The following GAB4 variants were observed in gnomAD, a reference collection of about 807,000 sequenced individuals.
GAB4 encodes the protein GRB2 associated binding protein family member 4.
A neutral mutation model predicts 51.3 loss-of-function variants in GAB4; 26 were observed. The observed-to-expected ratio is 0.51, with a 90% confidence interval of 0.37 to 0.70. The LOEUF is 0.70. GAB4 is among the 30% of genes least tolerant of loss of function. GAB4 has a pLI of 0.00. For synonymous variants in GAB4, 329 were observed against 291.2 expected (o/e 1.13, Z -1.32); for missense variants, 759 against 734.6 (o/e 1.03, Z -0.38).
intron 3 of GAB4, among the ~76,000 whole-genome samples, chr22:16,970,529 G>A (rs1486644445): frequency 6.6e-6 from 1 of 152,150 alleles, no homozygotes; most frequent in Non-Finnish European, 1.5e-5. Context: ...TTAGCAGGGT[G>A]GTCAGTTTCA....
intron 3 of GAB4, among the ~76,000 whole-genome samples, chr22:16,970,741 T>C (rs1422107585): frequency 6.6e-6 from 1 of 152,120 alleles, no homozygotes; most frequent in East Asian, 1.9e-4. Context: ...TGGGTGTCAA[T>C]GGGTAAGTTA....
chr22:16,997,680 A>G (rs1407778990), intron 1 of GAB4, among the ~76,000 whole-genome samples: 1 of 152,094 alleles, frequency 6.6e-6, no homozygotes, highest in African/African-American at 2.4e-5. Flanking sequence ...TTTTGTTGTC[A>G]TTACTTTGGT....
At chr22:16,993,571 T>A (rs924803578) in intron 1 of GAB4, among the ~76,000 whole-genome samples, 1 of 152,204 alleles carries the variant, frequency 6.6e-6, no homozygotes, top group African/African-American at 2.4e-5. Context: ...CTCTTATTTA[T>A]CTGGCAAAAC....
intron 3 of GAB4, among the ~76,000 whole-genome samples, chr22:16,971,437 C>T (rs1322960549): frequency 6.6e-6 from 1 of 152,190 alleles, no homozygotes. Context: ...CTGGGTTCTA[C>T]GTTCTGTGTG....
At chr22:16,987,907 A>G in intron 3 of GAB4, 53 bp downstream of exon 3, 1 of 1,374,892 alleles carries the variant, frequency 7.3e-7, no homozygotes, top group Non-Finnish European at 1.0e-6. Flanking sequence ...GGGACTGAAT[A>G]GAACAAGACC....
intron 9 of GAB4, 78 bp from the exon 10 acceptor site, chr22:16,962,954 T>G: frequency 7.2e-7 from 1 of 1,396,268 alleles, no homozygotes; most frequent in Non-Finnish European, 9.8e-7. Context: ...AGGAGTGGGC[T>G]CTCTCAAACT....
chr22:16,988,219 G>A (rs777805763), intron 2 of GAB4, 52 bp from the exon 3 acceptor site: 6 of 1,258,686 alleles, frequency 4.8e-6, no homozygotes, highest in East Asian at 2.3e-5. Flanking sequence ...TGGGCTGCTA[G>A]AGGCAGAAAC....
intron 1 of GAB4, among the ~76,000 whole-genome samples, chr22:17,003,314 T>C (rs2061012964): frequency 6.6e-6 from 1 of 152,172 alleles, no homozygotes; most frequent in African/African-American, 2.4e-5. Flanking sequence ...TGAACTCAGC[T>C]CTGGACCAAG....
intron 3 of GAB4, among the ~76,000 whole-genome samples, chr22:16,975,044 C>T (rs2060765630): frequency 6.6e-6 from 1 of 152,186 alleles, no homozygotes; most frequent in Non-Finnish European, 1.5e-5. Flanking sequence ...GTGCCTACAC[C>T]ACCAGGGCCC....
intron 3 of GAB4, among the ~76,000 whole-genome samples, chr22:16,980,364 T>G (rs1468179723): frequency 6.6e-6 from 1 of 152,170 alleles, no homozygotes; most frequent in Non-Finnish European, 1.5e-5. Flanking sequence ...TAATAGACAC[T>G]TCTCAAAAGA....
rs200669352 is a variant in GAB4, at chr22:16,963,825, G to T, written c.1481C>A (p.Pro494Gln). The T allele has an allele frequency of 2.5e-6, 4 of 1,613,184 alleles. No individual in the cohort carries two copies. Among genetic ancestry groups the T allele is most frequent in the Non-Finnish European group, 3.4e-6 (4 of 1,179,554 alleles). Residue 494 changes from proline to glutamine, a missense_variant, in exon 9 of 10, where the codon CCG (proline) becomes CAG (glutamine). Physicochemically the swap from Pro to Gln is moderately conservative, Grantham distance 76 (BLOSUM62 -1). Coordinates refer to ENST00000400588, the MANE Select transcript of GAB4 (RefSeq NM_001037814.1). ...DSGERYLFPN[P>Q]ASAFPVSGGT... is the part of the protein sequence containing the mutation. ...ACCGGAAACAGGAAATGCAGATGCC[G>T]GGTTCTGCTGTCACAAGGAGGAAAA...
intron 5 of GAB4, chr22:16,967,568 C>G (rs1318542875): frequency 1.3e-5 from 2 of 152,436 alleles, no homozygotes; most frequent in Non-Finnish European, 2.9e-5. Context: ...GACAAGGTAT[C>G]AGGGAGGTAT....
chr22:17,001,165 C>G (rs189555255), intron 1 of GAB4, among the ~76,000 whole-genome samples: 117 of 152,300 alleles, frequency 7.7e-4, no homozygotes, highest in African/African-American at 2.6e-3. Flanking sequence ...CTCTGTATTT[C>G]CTGAATTTGA....
chr22:16,991,489 C>T (rs2060913577), intron 2 of GAB4, among the ~76,000 whole-genome samples: 1 of 152,164 alleles, frequency 6.6e-6, no homozygotes, highest in Non-Finnish European at 1.5e-5. Flanking sequence ...CTCACCTGTC[C>T]CCTCCTAAGT....
chr22:16,985,233 A>G (rs1287633544), intron 3 of GAB4, among the ~76,000 whole-genome samples: 1 of 152,210 alleles, frequency 6.6e-6, no homozygotes, highest in Non-Finnish European at 1.5e-5. Context: ...CACAGATTTA[A>G]AAAGTTAACA....
intron 3 of GAB4, among the ~76,000 whole-genome samples, chr22:16,973,805 C>CCA (rs967922270): frequency 3.3e-5 from 5 of 151,996 alleles, no homozygotes; most frequent in African/African-American, 9.7e-5. Flanking sequence ...CTCCCTGTTC[C>CCA]CACAGCACCT....
rs2061060844 is a variant in GAB4 at position 17,008,212 on chromosome 22, G to T, written c.-98C>A. 16 of 866,570 alleles carry T rather than the reference G, an allele frequency of 1.8e-5. No homozygotes were observed. Among genetic ancestry groups the T allele is most frequent in the Non-Finnish European group, 2.9e-5 (16 of 557,736 alleles). The allele number at this position is 866,570 out of a possible 1,614,324, so 53.7% of individuals were successfully genotyped here. A position where few individuals can be genotyped will look rare whatever the true frequency, so the allele number is the denominator to read the frequency against. The stretch of plus-strand genomic sequence containing the variant: ...CGGCTTGCGATACCCTGGGACTGCG[G>T]GGTAGAAAGCGCAGTTCTAGGGGAG... On this transcript the variant is annotated 5_prime_UTR_variant, in exon 1 of 10. Transcript: ENST00000400588.
chr22:17,007,600 G>T (rs1366019548), intron 1 of GAB4, among the ~76,000 whole-genome samples: 3 of 152,032 alleles, frequency 2.0e-5, no homozygotes, highest in Non-Finnish European at 4.4e-5. Context: ...CATTCTCAGG[G>T]CCTGGGAGGG....
intron 2 of GAB4, 93 bp downstream of exon 2, chr22:16,991,780 G>T: frequency 2.8e-6 from 3 of 1,059,964 alleles, no homozygotes; most frequent in Non-Finnish European, 4.2e-6. Context: ...AACACTTCTT[G>T]GCAGTGTTGG....
Sources: allele counts gnomAD v4.1 joint callset (sites outside exome capture counted in the v4.1 genomes callset), GRCh38; gene constraint gnomAD v4.1.1; transcripts MANE v1.5; gene names NCBI Gene and HGNC (gene_info 2026-07-23, HGNC 2026-07-21).